The following REV3L variants were observed in gnomAD, a reference collection of about 807,000 sequenced individuals.
REV3L encodes the protein REV3 like, DNA directed polymerase zeta catalytic subunit.
In REV3L, 69 loss-of-function variants were observed where a neutral mutation model predicts 299.4. The observed-to-expected ratio is 0.23, with a 90% CI of 0.19 to 0.28. The LOEUF (loss-of-function observed/expected upper bound fraction) is 0.28, where lower values mean the gene tolerates loss of function less well. Ranked by LOEUF, REV3L falls within the 10% of genes least tolerant of loss-of-function variation. The pLI, the probability that REV3L is intolerant of heterozygous loss-of-function variation, is 1.00. For synonymous variants in REV3L, 1,238 were observed against 1,271.4 expected (o/e 0.97, Z 0.56); for missense variants, 3,128 against 3,693.8 (o/e 0.85, Z 3.97).
intron 26 of REV3L, among the ~76,000 whole-genome samples, chr6:111,316,135 G>A (rs1175442592): frequency 6.6e-6 from 1 of 151,900 alleles, no homozygotes; most frequent in African/African-American, 2.4e-5. Context: ...CAACTTGGGA[G>A]GCTGAGGCAG....
Position 111,374,978 on chromosome 6 carries a change from G to C in REV3L, c.3377C>G (p.Pro1126Arg). The change falls in exon 13 of 32, where the codon CCT (proline) becomes CGT (arginine). Residue 1126 changes from proline (P) to arginine (R), a missense_variant. By Grantham distance (103) the Pro-to-Arg change is moderately radical (BLOSUM62 -2). Coordinates refer to ENST00000368802, the MANE Select transcript of REV3L (RefSeq NM_001372078.1). ...TGGATCTGTGGGAGACCAGCAGCGA[G>C]GTGGAGAAGAATTTATGGGACTTGT... is the stretch of plus-strand genomic sequence containing the variant. Reference protein sequence around the residue: ...RSTSPINSSPPRCWSPTDPRA... With the variant: ...RSTSPINSSPRRCWSPTDPRA... 6.2e-6 allele frequency: 10 copies of C among 1,612,562 alleles called. No individual in the cohort carries two copies. The highest frequency in any genetic ancestry group is 8.5e-6 in the Non-Finnish European group (10 of 1,179,506).
At position 111,299,536 on chromosome 6, in the gene REV3L, A is replaced by AATC. The variant is rs1771244790; in HGVS notation, c.*477_*479dup. On this transcript the variant is annotated 3_prime_UTR_variant, in exon 32 of 32. Coordinates refer to ENST00000368802, the MANE Select transcript of REV3L (RefSeq NM_001372078.1). ...ACAACTTGAAAATCATTTGTATAAA[A>AATC]ATCATTGCACATTATTTTGCTCGTT... The AATC allele has an allele frequency of 6.5e-6, 1 of 152,748 alleles. No homozygotes were observed. Among genetic ancestry groups the AATC allele is most frequent in the Admixed American group, 6.5e-5 (1 of 15,274 alleles). 9.5% of individuals were successfully genotyped at this position (152,748 alleles called of 1,614,324 possible).
In REV3L at chr6:111,299,935, A is replaced by G; in HGVS notation, c.*81T>C. On this transcript the variant is annotated 3_prime_UTR_variant, in exon 32 of 32. Coordinates refer to ENST00000368802, the MANE Select transcript of REV3L (RefSeq NM_001372078.1). Reference sequence around the variant, plus strand: ...GACAGTGAACATCCTTGACTCGATGAAAGTTAAAAAGCACCATGCACAACA... The same window carrying G: ...GACAGTGAACATCCTTGACTCGATGGAAGTTAAAAAGCACCATGCACAACA... 7.3e-7 allele frequency: 1 copy of G among 1,369,990 alleles called. No individual in the cohort carries two copies. The highest frequency in any genetic ancestry group is 2.3e-5 in the Admixed American group (1 of 42,906). 84.9% of individuals were successfully genotyped at this position (1,369,990 alleles called of 1,614,324 possible).
At chr6:111,481,697 C>A (rs1003315645) in intron 1 of REV3L, among the ~76,000 whole-genome samples, 1 of 152,154 alleles carries the variant, frequency 6.6e-6, no homozygotes, top group African/African-American at 2.4e-5. Context: ...GGAAGAACAA[C>A]CTTTCCTAAG....
intron 23 of REV3L, among the ~76,000 whole-genome samples, chr6:111,332,695 T>A (rs910897060): frequency 6.6e-6 from 1 of 152,192 alleles, no homozygotes; most frequent in African/African-American, 2.4e-5. Flanking sequence ...AAAATTTAAT[T>A]TACATTAATT....
intron 25 of REV3L, among the ~76,000 whole-genome samples, chr6:111,323,449 A>C (rs553364233): frequency 6.6e-6 from 1 of 152,304 alleles, no homozygotes; most frequent in East Asian, 1.9e-4. Context: ...CAATCTTGTC[A>C]CTAGTTATAC....
At chr6:111,327,019 G>C (rs1774901520) in intron 25 of REV3L, among the ~76,000 whole-genome samples, 1 of 152,152 alleles carries the variant, frequency 6.6e-6, no homozygotes, top group Non-Finnish European at 1.5e-5. Flanking sequence ...GAGAAGACCA[G>C]GGTCAAGGAA....
intron 1 of REV3L, among the ~76,000 whole-genome samples, chr6:111,453,571 T>C (rs1353048407): frequency 6.6e-6 from 1 of 152,250 alleles, no homozygotes; most frequent in African/African-American, 2.4e-5. Flanking sequence ...AATGCCATAC[T>C]GCCTCTCTTT....
chr6:111,411,400 G>T, intron 3 of REV3L, 80 bp downstream of exon 3: 1 of 867,710 alleles, frequency 1.2e-6, no homozygotes. Flanking sequence ...AAACTATAGA[G>T]GCCTTCTTTC....
At chr6:111,455,146 G>A (rs1388265874) in intron 1 of REV3L, among the ~76,000 whole-genome samples, 5 of 152,130 alleles carry the variant, frequency 3.3e-5, no homozygotes, top group Admixed American at 3.3e-4. Flanking sequence ...GTACAATGGT[G>A]GCACAAAGGA....
At chr6:111,324,936 A>C (rs541481576) in intron 25 of REV3L, among the ~76,000 whole-genome samples, 1 of 150,580 alleles carries the variant, frequency 6.6e-6, no homozygotes, top group African/African-American at 2.5e-5. Context: ...ATCTCGGCTC[A>C]CTGCAACCTC....
At chr6:111,430,290 C>T (rs779155873) in intron 1 of REV3L, 12 of 1,063,500 alleles carry the variant, frequency 1.1e-5, no homozygotes, top group Admixed American at 1.7e-5. Flanking sequence ...GATCCAAGTG[C>T]TTTCTTTCAT....
intron 1 of REV3L, chr6:111,431,275 G>C (rs1786893360): frequency 2.8e-6 from 4 of 1,428,248 alleles, no homozygotes; most frequent in East Asian, 4.6e-5. Context: ...GTCACTGCCT[G>C]AAGATGGAAG....
intron 1 of REV3L, among the ~76,000 whole-genome samples, chr6:111,425,548 T>A (rs1786076536): frequency 6.6e-6 from 1 of 151,976 alleles, no homozygotes; most frequent in Admixed American, 6.6e-5. Flanking sequence ...ATAAACTGGG[T>A]GGGTAGAGAG....
chr6:111,429,003 T>G (rs1300485622), intron 1 of REV3L, among the ~76,000 whole-genome samples: 1 of 152,148 alleles, frequency 6.6e-6, no homozygotes, highest in Non-Finnish European at 1.5e-5. Context: ...GTAAATGATG[T>G]ATACAAGTGC....
At position 111,299,982 on chromosome 6, in the gene REV3L, A is replaced by AAAAT. The variant is rs1334295279; in HGVS notation, c.*30_*33dup. 1.9e-6 allele frequency: 3 copies of AAAAT among 1,591,356 alleles called. No individual in the cohort carries two copies. In the African/African-American group the frequency reaches 4.1e-5, roughly 22 times the overall value. On this transcript the variant is annotated 3_prime_UTR_variant, in exon 32 of 32. Transcript: ENST00000368802. ...AACAGTTTAGTGGTAAGCACTGAAA[A>AAAAT]AAATAGCACCTGTAATACTGTGATA...
chr6:111,388,081 G>T lies in REV3L; in HGVS notation c.867C>A (p.His289Gln). ...CACTTTCTGTTGCTGGCACAAACCT[G>T]TGATCTTTGAATTTTAAAAGTGCAT... ...SQMSQPESQD[H>Q]RFVPATESEK... Residue 289 changes from histidine (H) to glutamine (Q), a missense_variant, in exon 8 of 32, where the codon CAC becomes CAA. Transcript: ENST00000368802. The T allele has an allele frequency of 6.2e-7, 1 of 1,602,366 alleles. No individual in the cohort carries two copies.
At chr6:111,370,022 G>A (rs1779636959) in intron 13 of REV3L, among the ~76,000 whole-genome samples, 2 of 151,922 alleles carry the variant, frequency 1.3e-5, no homozygotes, top group South Asian at 4.2e-4. Flanking sequence ...TAGTAGAGAT[G>A]GGGTTTCACC....
rs1356171335 is a variant in REV3L, at chr6:111,483,207, T to C, written c.-319A>G. 10 of 454,032 alleles carry C rather than the reference T, an allele frequency of 2.2e-5. No individual in the cohort carries two copies. The East Asian group carries it at 3.9e-4, about 18-fold the overall frequency. 28.1% of individuals were successfully genotyped at this position (454,032 alleles called of 1,614,324 possible). A position where few individuals can be genotyped will look rare whatever the true frequency, so the allele number is the denominator to read the frequency against. On this transcript the variant is annotated 5_prime_UTR_variant, in exon 1 of 32. Transcript: ENST00000368802. ...CAGGCTGCAGCTCTTGTTGCCATGA[T>C]GATGATGTCACGGACGCAACCACTG...
Sources: allele counts gnomAD v4.1 joint callset (sites outside exome capture counted in the v4.1 genomes callset), GRCh38; gene constraint gnomAD v4.1.1; transcripts MANE v1.5; gene names NCBI Gene and HGNC (gene_info 2026-07-23, HGNC 2026-07-21).